LARGE1: variants seen among roughly 807,000 people sequenced by gnomAD.
The protein encoded by LARGE1 is xylosyl- and glucuronyltransferase LARGE1.
In LARGE1, 43 loss-of-function variants were observed where a neutral mutation model predicts 87.6. The ratio of observed to expected loss-of-function variants is 0.49; its 90% CI spans 0.38 to 0.63. The LOEUF is 0.63. Among genes scored for constraint, LARGE1 ranks in the 30% least tolerant of loss-of-function variants. LARGE1 has a pLI of 0.00. For synonymous variants in LARGE1, 434 were observed against 394.6 expected, an observed-to-expected ratio of 1.10 and a Z score of -1.18; for missense variants, 802 against 1,000.2, an observed-to-expected ratio of 0.80 and a Z score of 2.67.
At chr22:33,626,139 A>G (rs1385522654) in intron 4 of LARGE1, 105 bp downstream of exon 4, 1 of 901,736 alleles carries the variant, frequency 1.1e-6, no homozygotes, top group East Asian at 2.5e-5. Flanking sequence ...TATGGCAGCT[A>G]GAATGATTGA....
At chr22:33,861,129 C>T (rs1288569126) in intron 1 of LARGE1, among the ~76,000 whole-genome samples, 1 of 152,180 alleles carries the variant, frequency 6.6e-6, no homozygotes, top group African/African-American at 2.4e-5. Context: ...CTTCCACCCC[C>T]CTTATTCCCA....
chr22:33,308,707 C>G (rs1347490583), intron 11 of LARGE1, among the ~76,000 whole-genome samples: 1 of 152,120 alleles, frequency 6.6e-6, no homozygotes, highest in African/African-American at 2.4e-5. Flanking sequence ...GATAGCCAGA[C>G]AAACCCCCGA....
chr22:33,512,375 C>T (rs2071094996), intron 6 of LARGE1, among the ~76,000 whole-genome samples: 1 of 152,072 alleles, frequency 6.6e-6, no homozygotes, highest in Non-Finnish European at 1.5e-5. Flanking sequence ...TGGAACATTA[C>T]CCAGTCAATG....
intron 2 of LARGE1, among the ~76,000 whole-genome samples, chr22:33,754,386 G>C (rs1464188434): frequency 6.6e-6 from 1 of 151,550 alleles, no homozygotes; most frequent in African/African-American, 2.4e-5. Context: ...ACGCAGGCTG[G>C]AGTGCAGGGC....
intron 1 of LARGE1, among the ~76,000 whole-genome samples, chr22:33,773,485 G>GC (rs397741024): frequency 0.3 from 45,401 of 152,068 alleles, 7,130 homozygotes; most frequent in East Asian, 0.39. Context: ...CGGGGCAGTG[G>GC]CCCCCTGAGG....
intron 1 of LARGE1, among the ~76,000 whole-genome samples, chr22:33,769,716 G>A (rs560742360): frequency 6.6e-6 from 1 of 152,124 alleles, no homozygotes; most frequent in Non-Finnish European, 1.5e-5. Flanking sequence ...ATGTGAAAGT[G>A]GAGCTGTCCC....
At chr22:33,225,896 C>T (rs1925709544) in intron 11 of LARGE1, among the ~76,000 whole-genome samples, 2 of 152,186 alleles carry the variant, frequency 1.3e-5, no homozygotes, top group African/African-American at 4.8e-5. Flanking sequence ...TAATCTTATT[C>T]TCTTTAATGG....
chr22:33,453,122 GGTT>G (rs1288862610), intron 6 of LARGE1, among the ~76,000 whole-genome samples: 1 of 152,156 alleles, frequency 6.6e-6, no homozygotes, highest in Non-Finnish European at 1.5e-5. Flanking sequence ...GACATTGAAA[GGTT>G]GTTGTTTCAG....
rs114339563 is a variant in LARGE1, at chr22:33,857,009, C to A, written c.-83+62986G>T. Among the ~76,000 whole-genome samples, 1,206 of 152,288 alleles carry A rather than the reference C, an allele frequency of 7.9e-3. 12 individuals are homozygous for A. The highest frequency in any genetic ancestry group is 0.028 in the African/African-American group (1,153 of 41,560). ...GCAGTGGCGTGATCTCAGTTCACTG[C>A]AACCCTTGCCTTCTGGATTCAAGTG... On this transcript the variant is annotated intron_variant, in intron 1 of 14. Coordinates refer to ENST00000397394, the MANE Select transcript of LARGE1 (RefSeq NM_133642.5).
At chr22:33,641,754 G>C (rs563956078) in intron 3 of LARGE1, among the ~76,000 whole-genome samples, 4 of 152,202 alleles carry the variant, frequency 2.6e-5, no homozygotes, top group African/African-American at 9.6e-5. Context: ...AGTATCGATA[G>C]CCGAATCAAT....
At chr22:33,857,561 C>G (rs2063790674) in intron 1 of LARGE1, among the ~76,000 whole-genome samples, 1 of 152,204 alleles carries the variant, frequency 6.6e-6, no homozygotes. Context: ...TTAATGCTCT[C>G]CTAGATAAAC....
intron 7 of LARGE1, among the ~76,000 whole-genome samples, chr22:33,407,432 C>T (rs527302990): frequency 6.6e-6 from 1 of 152,314 alleles, no homozygotes; most frequent in East Asian, 1.9e-4. Flanking sequence ...CCCTCTATTT[C>T]TTGTGCATAT....
intron 5 of LARGE1, among the ~76,000 whole-genome samples, chr22:33,585,857 C>T (rs372856500): frequency 6.6e-6 from 1 of 152,180 alleles, no homozygotes; most frequent in South Asian, 2.1e-4. Flanking sequence ...GCTCACCACG[C>T]CCGGCTAATT....
At chr22:33,896,529 G>A (rs986450944) in intron 1 of LARGE1, among the ~76,000 whole-genome samples, 1 of 152,186 alleles carries the variant, frequency 6.6e-6, no homozygotes, top group African/African-American at 2.4e-5. Flanking sequence ...TGGCTTGGGA[G>A]CCTGTTAAAA....
At chr22:33,443,201 A>T (rs2067550692) in intron 6 of LARGE1, among the ~76,000 whole-genome samples, 1 of 152,210 alleles carries the variant, frequency 6.6e-6, no homozygotes, top group African/African-American at 2.4e-5. Context: ...AGATAAAGTC[A>T]CATGTCAAGG....
intron 12 of LARGE1, among the ~76,000 whole-genome samples, chr22:33,300,595 C>T (rs531048564): frequency 2.0e-5 from 3 of 152,216 alleles, no homozygotes; most frequent in African/African-American, 7.2e-5. Flanking sequence ...GGCTGGAGTG[C>T]AGTGGTGCGA....
intron 1 of LARGE1, among the ~76,000 whole-genome samples, chr22:33,793,261 T>C (rs1041200063): frequency 3.9e-5 from 6 of 152,144 alleles, no homozygotes; most frequent in African/African-American, 1.4e-4. Flanking sequence ...ATTTTAAAAA[T>C]ATCATGGCTG....
chr22:33,763,228 C>T (rs1392311402), intron 1 of LARGE1, among the ~76,000 whole-genome samples: 2 of 152,206 alleles, frequency 1.3e-5, no homozygotes, highest in Non-Finnish European at 2.9e-5. Context: ...AGGCCACCCT[C>T]TCAAGCTTCA....
At chr22:33,325,030 T>A (rs1305514322) in intron 10 of LARGE1, among the ~76,000 whole-genome samples, 1 of 152,226 alleles carries the variant, frequency 6.6e-6, no homozygotes, top group Non-Finnish European at 1.5e-5. Context: ...TCTGAAAGGT[T>A]TAGCCATTGC....
Sources: allele counts gnomAD v4.1 joint callset (sites outside exome capture counted in the v4.1 genomes callset), GRCh38; gene constraint gnomAD v4.1.1; transcripts MANE v1.5; gene names NCBI Gene and HGNC (gene_info 2026-07-23, HGNC 2026-07-21).